Variants in MCC observed in about 807,000 individuals in gnomAD.
MCC encodes MCC regulator of Wnt signaling pathway.
MCC carries 90 observed loss-of-function variants against 116.2 expected under a neutral mutation model. The observed-to-expected ratio is 0.77, with a 90% CI of 0.65 to 0.92. MCC has a LOEUF of 0.92. MCC is among the 40% of genes least tolerant of loss of function. The pLI is 0.00. For missense variants in MCC, 1,516 were observed against 1,312.2 expected, an observed-to-expected ratio of 1.16 and a Z score of -2.40; for synonymous variants, 578 against 510.5, an observed-to-expected ratio of 1.13 and a Z score of -1.78.
chr5:113,134,432 T>A (rs1561387475), intron 5 of MCC, among the ~76,000 whole-genome samples: 1 of 152,172 alleles, frequency 6.6e-6, no homozygotes, highest in Non-Finnish European at 1.5e-5. Flanking sequence ...GCTCTATGTG[T>A]CTGCTTTTGT....
chr5:113,260,434 T>C (rs1262856901), intron 3 of MCC, among the ~76,000 whole-genome samples: 1 of 152,140 alleles, frequency 6.6e-6, no homozygotes, highest in African/African-American at 2.4e-5. Flanking sequence ...CAATACGGTG[T>C]TTAGGTTGAA....
rs117110895 is a variant in MCC, at chr5:113,195,406, T to C, written c.628-43984A>G. On this transcript the variant is annotated intron_variant, in intron 3 of 18. Transcript: ENST00000408903. ...CTCAACCAGATACAAACTGTCTGCT[T>C]AGGTCTGGTGTAATTTACAACAGCC... is the stretch of plus-strand genomic sequence containing the variant. Among the ~76,000 whole-genome samples, 3 of 152,302 alleles carry C rather than the reference T, an allele frequency of 2.0e-5. No homozygotes were observed. In the South Asian group the frequency reaches 6.2e-4, roughly 32 times the overall value.
At chr5:113,387,716 G>T (rs1025762522) in intron 1 of MCC, among the ~76,000 whole-genome samples, 5 of 152,092 alleles carry the variant, frequency 3.3e-5, no homozygotes, top group African/African-American at 9.7e-5. Context: ...ATATGTCATT[G>T]TAGGTTTAAA....
intron 4 of MCC, among the ~76,000 whole-genome samples, chr5:113,150,936 T>TG (rs1376312568): frequency 1.3e-5 from 2 of 152,058 alleles, no homozygotes; most frequent in Admixed American, 1.3e-4. Flanking sequence ...CCCAGCTACT[T>TG]GGGAGGCTGC....
intron 1 of MCC, chr5:113,428,540 A>G (rs1770541686): frequency 6.6e-6 from 1 of 152,388 alleles, no homozygotes; most frequent in Non-Finnish European, 1.5e-5. Flanking sequence ...ACTCTTGGCT[A>G]TGCTGAAGGA....
chr5:113,346,639 A>C (rs1338632706), intron 2 of MCC, among the ~76,000 whole-genome samples: 3 of 146,734 alleles, frequency 2.0e-5, no homozygotes, highest in Admixed American at 1.4e-4. Flanking sequence ...ACAACAAAAA[A>C]AACAACAAAA....
intron 11 of MCC, among the ~76,000 whole-genome samples, chr5:113,075,147 C>G (rs1354662227): frequency 6.6e-6 from 1 of 152,248 alleles, no homozygotes; most frequent in Non-Finnish European, 1.5e-5. Context: ...GCTGGTGCCA[C>G]TGGCCCTGGG....
intron 3 of MCC, among the ~76,000 whole-genome samples, chr5:113,226,681 TC>T (rs1763754833): frequency 6.6e-6 from 1 of 152,240 alleles, no homozygotes; most frequent in South Asian, 2.1e-4. Flanking sequence ...TTGAACACTT[TC>T]ATAAACCAAT....
At chr5:113,275,263 C>G (rs1765780158) in intron 3 of MCC, among the ~76,000 whole-genome samples, 1 of 152,134 alleles carries the variant, frequency 6.6e-6, no homozygotes, top group South Asian at 2.1e-4. Context: ...CACAGTTTGC[C>G]AAACCAGTAG....
At chr5:113,029,960 C>A (rs758576446) in intron 17 of MCC, among the ~76,000 whole-genome samples, 39 of 152,334 alleles carry the variant, frequency 2.6e-4, no homozygotes, top group Non-Finnish European at 4.7e-4. Context: ...CAATGCACCC[C>A]CAGTGCTGAG....
intron 13 of MCC, among the ~76,000 whole-genome samples, chr5:113,067,622 G>T (rs528060443): frequency 3.4e-4 from 51 of 152,142 alleles, no homozygotes; most frequent in Non-Finnish European, 5.3e-4. Context: ...GGCAACAAGA[G>T]CAAAACTCCA....
At chr5:113,195,358 T>C (rs1353817748) in intron 3 of MCC, among the ~76,000 whole-genome samples, 2 of 152,202 alleles carry the variant, frequency 1.3e-5, no homozygotes, top group Non-Finnish European at 2.9e-5. Flanking sequence ...GTTTCACTAA[T>C]AGAATTAGAC....
chr5:113,252,985 CT>C (rs1391828767), intron 3 of MCC, among the ~76,000 whole-genome samples: 2 of 152,228 alleles, frequency 1.3e-5, no homozygotes, highest in African/African-American at 4.8e-5. Context: ...GCATGCCCTT[CT>C]GTACTTCTTG....
At chr5:113,038,382 T>C (rs552716243) in intron 17 of MCC, among the ~76,000 whole-genome samples, 2 of 152,134 alleles carry the variant, frequency 1.3e-5, no homozygotes, top group African/African-American at 2.4e-5. Flanking sequence ...AAGGACTCTC[T>C]TTCTGTGTGG....
intron 8 of MCC, among the ~76,000 whole-genome samples, chr5:113,099,090 G>C (rs1031066670): frequency 2.0e-5 from 3 of 149,706 alleles, no homozygotes; most frequent in African/African-American, 7.4e-5. Context: ...CTAGTAAACA[G>C]GCATTCAAAT....
At chr5:113,158,944 G>A (rs1026815232) in intron 3 of MCC, among the ~76,000 whole-genome samples, 1 of 152,142 alleles carries the variant, frequency 6.6e-6, no homozygotes, top group Non-Finnish European at 1.5e-5. Context: ...TGTGTGTGGA[G>A]GGGTGGATGT....
rs1488207765 is a variant in MCC at position 113,146,209 on chromosome 5, C to A, written c.742-2849G>T. ...TTAAATGAGACTGTGCTGGGTGCTA[C>A]AGGGGAGGTGATTACAACACATTTT... On this transcript the variant is annotated intron_variant, in intron 4 of 18. Transcript: ENST00000408903. 5.3e-4 allele frequency among the ~76,000 whole-genome samples: 9 copies of A among 16,866 alleles called. No homozygotes were observed. In the Admixed American group the frequency reaches 5.5e-3, roughly 10 times the overall value. 11.1% of individuals were successfully genotyped at this position (16,866 alleles called of 152,430 possible).
chr5:113,070,386 G>C (rs1305745699), intron 12 of MCC, among the ~76,000 whole-genome samples: 2 of 151,970 alleles, frequency 1.3e-5, no homozygotes, highest in African/African-American at 4.8e-5. Context: ...AAATTTCAAA[G>C]TGATGAGGCA....
intron 3 of MCC, among the ~76,000 whole-genome samples, chr5:113,208,801 C>A (rs1763009270): frequency 6.6e-6 from 1 of 151,996 alleles, no homozygotes; most frequent in Admixed American, 6.5e-5. Flanking sequence ...CAGTTCCTCA[C>A]TGTATTACTC....
Sources: allele counts gnomAD v4.1 joint callset (sites outside exome capture counted in the v4.1 genomes callset), GRCh38; gene constraint gnomAD v4.1.1; transcripts MANE v1.5; gene names NCBI Gene and HGNC (gene_info 2026-07-23, HGNC 2026-07-21).